UTY: variants seen among roughly 807,000 people sequenced by gnomAD.
UTY encodes histone demethylase UTY.
UTY carries 12 observed loss-of-function variants against 32.5 expected under a neutral mutation model. That is an observed-to-expected ratio of 0.37 (90% confidence interval 0.24 to 0.60). UTY has a LOEUF of 0.60. UTY is among the 20% of genes least tolerant of loss of function. The pLI is 0.69. For missense variants in UTY, 303 were observed against 299.2 expected (o/e 1.01, Z -0.09); for synonymous variants, 131 against 103.4 (o/e 1.27, Z -1.62).
intron 6 of UTY, among the ~76,000 whole-genome samples, chrY:13,404,360 CA>C: frequency 3.1e-5 from 1 of 31,779 alleles, no homozygotes; most frequent in Non-Finnish European, 7.7e-5. Context: ...GTTAAGGGCC[CA>C]AAAAAACATG....
intron 8 of UTY, among the ~76,000 whole-genome samples, chrY:13,391,706 TAA>T (rs2067570096): frequency 1.2e-3 from 39 of 33,665 alleles, no homozygotes; most frequent in Non-Finnish European, 2.9e-4. Context: ...CTGAGTCAAT[TAA>T]ACCTCTTTCC....
chrY:13,305,930 G>A, intron 23 of UTY, 108 bp downstream of exon 23: 1 of 227,309 alleles, frequency 4.4e-6, no homozygotes, highest in Non-Finnish European at 7.1e-6. Context: ...AACAAAGAGA[G>A]AGAGATAATT....
chrY:13,359,106 G>A lies in UTY; in HGVS notation c.1302C>T (p.Ala434=). The A allele has an allele frequency of 5.0e-6, 2 of 396,672 alleles. No homozygotes were observed. The highest frequency in any genetic ancestry group is 7.1e-6 in the Non-Finnish European group (2 of 282,577). ...IPAELTSRQG[A]MNTAQQAYRA... is the part of the protein sequence containing the mutation. ...TTCTCACCTGCTGTGCTGTGTTCAT[G>A]GCACCCTGCCTGGAGGTAAGCTCTG... Residue 434 remains alanine, a synonymous_variant, in exon 13 of 30, where the codon GCC becomes GCT. Transcript: ENST00000545955.
intron 3 of UTY, among the ~76,000 whole-genome samples, chrY:13,459,541 T>A: frequency 3.0e-5 from 1 of 33,636 alleles, no homozygotes; most frequent in Non-Finnish European, 7.4e-5. Flanking sequence ...TCCTTATTTT[T>A]AATAGGTAAG....
chrY:13,437,402 A>T, intron 4 of UTY, among the ~76,000 whole-genome samples: 1 of 33,811 alleles, frequency 3.0e-5, no homozygotes, highest in East Asian at 7.7e-4. Context: ...GCAATAATTG[A>T]TACGAGAATA....
intron 27 of UTY, among the ~76,000 whole-genome samples, chrY:13,271,147 C>T: frequency 3.0e-5 from 1 of 32,890 alleles, no homozygotes; most frequent in Non-Finnish European, 7.4e-5. Context: ...AATCAATAAC[C>T]TATTTGTACA....
chrY:13,302,375 C>A, intron 25 of UTY, among the ~76,000 whole-genome samples: 1 of 33,536 alleles, frequency 3.0e-5, no homozygotes, highest in Admixed American at 2.7e-4. Flanking sequence ...ACATAAAAAA[C>A]AATTTACTCT....
At chrY:13,446,611 TAGATAGATAGAC>T (rs2075864149) in intron 4 of UTY, among the ~76,000 whole-genome samples, 7 of 16,413 alleles carry the variant, frequency 4.3e-4, no homozygotes, top group Non-Finnish European at 6.5e-4. Flanking sequence ...GATAGATAGA[TAGATAGATAGAC>T]AGACAGACAG....
At chrY:13,327,816 T>C (rs934818600) in intron 18 of UTY, among the ~76,000 whole-genome samples, 1 of 34,114 alleles carries the variant, frequency 2.9e-5, no homozygotes, top group Non-Finnish European at 7.3e-5. Flanking sequence ...AATTCAAGTA[T>C]TCTCACTATA....
exon 29 of UTY, chrY:13,234,707 A>G (rs1321360864): frequency 7.5e-6 from 1 of 133,728 alleles, no homozygotes; most frequent in Non-Finnish European, 1.6e-5. Context: ...TGGAGTGGGT[A>G]GCTCCTTTCT....
intron 4 of UTY, among the ~76,000 whole-genome samples, chrY:13,416,537 T>A: frequency 3.0e-5 from 1 of 33,868 alleles, no homozygotes; most frequent in South Asian, 6.4e-4. Flanking sequence ...ATTACCACCT[T>A]GTTTATCGTC....
chrY:13,302,969 G>C lies in UTY; in HGVS notation c.3588C>G (p.Phe1196Leu). Residue 1196 changes from phenylalanine (F) to leucine (L), a missense_variant, in exon 25 of 30, where the codon TTC becomes TTG. Coordinates refer to ENST00000545955, the MANE Select transcript of UTY (RefSeq NM_001258249.2). ...GACCAATATTTATGTTAACAGAGCA[G>C]AAGTTGTTATTTTCTTGGTGACCTG... ...RTPGHQENNN[F>L]CSVNINIGPG... 2.6e-6 allele frequency: 1 copy of C among 381,332 alleles called. No homozygotes were observed. The highest frequency in any genetic ancestry group is 3.7e-6 in the Non-Finnish European group (1 of 271,929).
intron 28 of UTY, among the ~76,000 whole-genome samples, chrY:13,259,789 G>A (rs113395715): frequency 3.5e-4 from 12 of 34,297 alleles, no homozygotes; most frequent in African/African-American, 9.1e-4. Flanking sequence ...TCAGTTAGAT[G>A]TGCATTACAA....
chrY:13,418,474 G>C lies in UTY; in HGVS notation c.376-3681C>G. 1.2e-4 allele frequency among the ~76,000 whole-genome samples: 4 copies of C among 32,874 alleles called. No individual in the cohort carries two copies. The East Asian group carries it at 3.3e-3, about 27-fold the overall frequency. 88.2% of individuals were successfully genotyped at this position (32,874 alleles called of 37,273 possible). A position where few individuals can be genotyped will look rare whatever the true frequency, so the allele number is the denominator to read the frequency against. On this transcript the variant is annotated intron_variant, in intron 4 of 29. Transcript: ENST00000545955. The stretch of plus-strand genomic sequence containing the variant: ...GGTATTTCTAGTTCTAGATCCCTGA[G>C]GAATTGCCACACTGACTTCCACAAT...
chrY:13,363,154 G>A (rs924779396), intron 10 of UTY, among the ~76,000 whole-genome samples: 3 of 32,022 alleles, frequency 9.4e-5, no homozygotes, highest in Non-Finnish European at 1.5e-4. Flanking sequence ...CACCCGCCTC[G>A]GCCTCCCTAA....
chrY:13,274,573 A>G, intron 27 of UTY, among the ~76,000 whole-genome samples: 1 of 31,823 alleles, frequency 3.1e-5, no homozygotes, highest in African/African-American at 1.2e-4. Flanking sequence ...TGAGGTTGGG[A>G]GTTCGAGACC....
At chrY:13,360,989 T>A (rs2063504284) in intron 10 of UTY, among the ~76,000 whole-genome samples, 1 of 33,578 alleles carries the variant, frequency 3.0e-5, no homozygotes, top group African/African-American at 1.2e-4. Flanking sequence ...GTGATTTGTT[T>A]AAAAAAGTAA....
chrY:13,274,667 C>T (rs2056555894), intron 27 of UTY, among the ~76,000 whole-genome samples: 1 of 30,545 alleles, frequency 3.3e-5, no homozygotes, highest in Non-Finnish European at 7.8e-5. Context: ...ACTGTAATCC[C>T]AGCTACGAGG....
chrY:13,341,153 T>C, intron 17 of UTY, among the ~76,000 whole-genome samples: 1 of 33,468 alleles, frequency 3.0e-5, no homozygotes, highest in Non-Finnish European at 7.4e-5. Context: ...GTAATCAGTG[T>C]ATGGTTAATG....
Sources: allele counts gnomAD v4.1 joint callset (sites outside exome capture counted in the v4.1 genomes callset), GRCh38; gene constraint gnomAD v4.1.1; transcripts MANE v1.5; gene names NCBI Gene and HGNC (gene_info 2026-07-23, HGNC 2026-07-21).